OPCML: variants seen among roughly 807,000 people sequenced by gnomAD.
OPCML encodes opioid binding protein/cell adhesion molecule like.
Under a neutral mutation model 37.8 loss-of-function variants are expected in OPCML, and 13 were observed. The observed-to-expected ratio is 0.34, with a 90% CI of 0.22 to 0.55. OPCML has a LOEUF of 0.55. OPCML is among the 20% of genes least tolerant of loss of function. The pLI is 0.91. For missense variants in OPCML, 341 were observed against 435.6 expected, an observed-to-expected ratio of 0.78 and a Z score of 1.93; for synonymous variants, 176 against 168.8, an observed-to-expected ratio of 1.04 and a Z score of -0.33.
intron 3 of OPCML, among the ~76,000 whole-genome samples, chr11:132,607,988 A>G (rs1257377914): frequency 6.6e-6 from 1 of 152,218 alleles, no homozygotes; most frequent in Non-Finnish European, 1.5e-5. Context: ...GCATAGTTCA[A>G]AACATCTAGA....
chr11:133,512,683 C>T (rs1221928241), intron 1 of OPCML, among the ~76,000 whole-genome samples: 5 of 152,098 alleles, frequency 3.3e-5, no homozygotes, highest in East Asian at 1.9e-4. Context: ...AAAGAGTTGC[C>T]TCATTGGGAC....
chr11:132,506,826 A>T (rs1184583), intron 4 of OPCML, among the ~76,000 whole-genome samples: 1 of 152,116 alleles, frequency 6.6e-6, no homozygotes, highest in Non-Finnish European at 1.5e-5. Flanking sequence ...TAGACAGAAC[A>T]AAAAGAGGAA....
Position 133,039,371 on chromosome 11 carries a change from G to A in OPCML, c.62-96361C>T, listed in dbSNP as rs115704587. ...CCAAGGACTAGTTTTTACATTTATT[G>A]CATTTCCCCCAAGTCCTTGCCTCCT... On this transcript the variant is annotated intron_variant, in intron 1 of 7. Coordinates refer to ENST00000524381, the MANE Select transcript of OPCML (RefSeq NM_001012393.5). 7.1e-3 allele frequency among the ~76,000 whole-genome samples: 1,074 copies of A among 152,274 alleles called. 14 individuals carry two copies. Among genetic ancestry groups the A allele is most frequent in the African/African-American group, 0.025 (1,019 of 41,554 alleles).
At chr11:132,490,705 G>A (rs1331689552) in intron 4 of OPCML, among the ~76,000 whole-genome samples, 3 of 151,734 alleles carry the variant, frequency 2.0e-5, no homozygotes, top group Non-Finnish European at 4.4e-5. Context: ...TGTGGTCCCG[G>A]CTACTCGAGA....
intron 1 of OPCML, among the ~76,000 whole-genome samples, chr11:133,355,460 A>G (rs1944262414): frequency 6.6e-6 from 1 of 152,250 alleles, no homozygotes; most frequent in South Asian, 2.1e-4. Flanking sequence ...ATCTGTGACC[A>G]CAAATGAGAG....
chr11:132,652,171 A>G (rs1308811686), intron 3 of OPCML, among the ~76,000 whole-genome samples: 1 of 152,150 alleles, frequency 6.6e-6, no homozygotes, highest in South Asian at 2.1e-4. Flanking sequence ...TTTAAAATGC[A>G]TATCCCTGAA....
At chr11:133,115,561 GA>G (rs113717493) in intron 1 of OPCML, among the ~76,000 whole-genome samples, 1 of 151,450 alleles carries the variant, frequency 6.6e-6, no homozygotes, top group Non-Finnish European at 1.5e-5. Context: ...AAAAAAGACA[GA>G]AAAAAAACCC....
At chr11:132,857,349 A>G (rs927908614) in intron 2 of OPCML, among the ~76,000 whole-genome samples, 5 of 152,234 alleles carry the variant, frequency 3.3e-5, no homozygotes, top group Non-Finnish European at 7.3e-5. Flanking sequence ...TTACAGATTC[A>G]CAGTAAGTTG....
chr11:132,688,732 A>G (rs1163040513), intron 2 of OPCML, among the ~76,000 whole-genome samples: 1 of 34,734 alleles, frequency 2.9e-5, no homozygotes, highest in Non-Finnish European at 5.9e-5. Context: ...TCATGAGGTC[A>G]GGAGATCGAG....
chr11:132,618,945 G>C (rs944672722), intron 3 of OPCML, among the ~76,000 whole-genome samples: 28 of 131,502 alleles, frequency 2.1e-4, no homozygotes, highest in Non-Finnish European at 4.4e-4. Flanking sequence ...ACACACACAA[G>C]CACACGCATA....
At chr11:132,963,620 C>G (rs921881557) in intron 1 of OPCML, among the ~76,000 whole-genome samples, 1 of 149,730 alleles carries the variant, frequency 6.7e-6, no homozygotes, top group African/African-American at 2.4e-5. Context: ...GTGGCTCTTG[C>G]GGTGAGAATG....
Position 132,571,761 on chromosome 11 carries a change from G to A in OPCML, c.380-42575C>T, listed in dbSNP as rs114015702. On this transcript the variant is annotated intron_variant, in intron 3 of 7. Coordinates refer to ENST00000524381, the MANE Select transcript of OPCML (RefSeq NM_001012393.5). ...AGTGTTTATATCTCTTTGAGATATG[G>A]ACCTCAATTCTTTTGAATATATACT... Among the ~76,000 whole-genome samples the A allele has an allele frequency of 5.1e-4, 77 of 152,210 alleles. 1 individual carries two copies. Among genetic ancestry groups the A allele is most frequent in the African/African-American group, 1.8e-3 (74 of 41,540 alleles).
At chr11:133,446,765 G>A (rs1318814917) in intron 1 of OPCML, among the ~76,000 whole-genome samples, 2 of 152,078 alleles carry the variant, frequency 1.3e-5, no homozygotes, top group African/African-American at 2.4e-5. Flanking sequence ...TGCCTTTTCT[G>A]GACATTTCAT....
chr11:133,186,891 G>T (rs1419684081), intron 1 of OPCML, among the ~76,000 whole-genome samples: 2 of 152,076 alleles, frequency 1.3e-5, no homozygotes, highest in Non-Finnish European at 2.9e-5. Flanking sequence ...TCTAAGGATG[G>T]TTCTCAGGGT....
chr11:132,478,199 C>G (rs373846749), intron 4 of OPCML, among the ~76,000 whole-genome samples: 2 of 152,046 alleles, frequency 1.3e-5, no homozygotes, highest in East Asian at 3.9e-4. Context: ...GAATCAAATA[C>G]CAATTGTTCT....
At chr11:133,035,924 C>CG (rs61065360) in intron 1 of OPCML, among the ~76,000 whole-genome samples, 100,427 of 151,836 alleles carry the variant, frequency 0.66, 34,014 homozygotes, top group East Asian at 0.81. Flanking sequence ...AGAGAGGCCT[C>CG]GGAGAAACCA....
At chr11:133,036,702 T>C (rs984384141) in intron 1 of OPCML, among the ~76,000 whole-genome samples, 13 of 152,228 alleles carry the variant, frequency 8.5e-5, no homozygotes, top group Non-Finnish European at 1.6e-4. Flanking sequence ...TTCAAAAATA[T>C]TTTGATCTCT....
intron 1 of OPCML, chr11:133,003,988 C>A (rs988025532): frequency 7.1e-6 from 7 of 985,332 alleles, no homozygotes; most frequent in Non-Finnish European, 8.4e-6. Context: ...GAAGTCCCTG[C>A]ACCCCGAGGA....
rs578040574 is a variant in OPCML at position 132,881,129 on chromosome 11, A to G, written c.146+61797T>C. Among the ~76,000 whole-genome samples, 9 of 152,366 alleles carry G rather than the reference A, an allele frequency of 5.9e-5. No individual in the cohort carries two copies. The East Asian group carries it at 1.7e-3, about 29-fold the overall frequency. On this transcript the variant is annotated intron_variant, in intron 2 of 7. Transcript: ENST00000524381. Reference sequence around the variant, plus strand: ...ACCATTTATTCTTTAGTTGGGATGAAGCACTGGGAAGTAATTTACTGGATC... The same window carrying G: ...ACCATTTATTCTTTAGTTGGGATGAGGCACTGGGAAGTAATTTACTGGATC...
Sources: allele counts gnomAD v4.1 joint callset (sites outside exome capture counted in the v4.1 genomes callset), GRCh38; gene constraint gnomAD v4.1.1; transcripts MANE v1.5; gene names NCBI Gene and HGNC (gene_info 2026-07-23, HGNC 2026-07-21).